Variants in SMUG1 observed in about 807,000 individuals in gnomAD.
SMUG1 encodes single-strand-selective monofunctional uracil-DNA glycosylase 1.
A neutral mutation model predicts 23.9 loss-of-function variants in SMUG1; 13 were observed. That is an observed-to-expected ratio of 0.54 (90% CI 0.35 to 0.86). SMUG1 has a LOEUF of 0.86. SMUG1 is among the 40% of genes least tolerant of loss of function. SMUG1 has a pLI of 0.01. For missense variants in SMUG1, 313 were observed against 339.5 expected (o/e 0.92, Z 0.61); for synonymous variants, 133 against 139.8 (o/e 0.95, Z 0.34).
At chr12:54,178,915 C>T (rs1940817829), downstream of SMUG1, among the ~76,000 whole-genome samples, 1 of 152,118 alleles carries the variant, frequency 6.6e-6, no homozygotes, top group African/African-American at 2.4e-5. Context: ...TGGGTGGGCA[C>T]CATCCAACTG....
At chr12:54,172,351 G>A in intron 2 of SMUG1, 1 of 265,880 alleles carries the variant, frequency 3.8e-6, no homozygotes, top group South Asian at 3.7e-5. Context: ...TGCCCTCGCT[G>A]TTCTCTTAGC....
In SMUG1 at chr12:54,188,570, G is replaced by C. The variant is rs972266987; in HGVS notation, c.-104+381C>G. The C allele has an allele frequency of 3.9e-5, 6 of 152,412 alleles. No individual in the cohort carries two copies. In the East Asian group the frequency reaches 1.2e-3, roughly 29 times the overall value. The allele number at this position is 152,412 out of a possible 1,614,324, so 9.4% of individuals were successfully genotyped here. A position where few individuals can be genotyped will look rare whatever the true frequency, so the allele number is the denominator to read the frequency against. On this transcript the variant is annotated intron_variant, in intron 1 of 3. Coordinates refer to ENST00000682136, the MANE Select transcript of SMUG1 (RefSeq NM_001243787.2). ...ACCCGGGAGGCGGAGGCTGCAGTGA[G>C]CTGAGATCGCGCCATTGCACTCCAG...
chr12:54,187,496 A>G (rs1195107956), intron 2 of SMUG1, among the ~76,000 whole-genome samples: 3 of 152,206 alleles, frequency 2.0e-5, no homozygotes, highest in African/African-American at 7.2e-5. Context: ...CAACACCAAC[A>G]TTAGCAGATT....
Position 54,182,399 on chromosome 12 carries a change from C to T in SMUG1, c.510G>A (p.Leu170=). 6.2e-7 allele frequency: 1 copy of T among 1,614,156 alleles called. No individual in the cohort carries two copies. The highest frequency in any genetic ancestry group is 8.5e-7 in the Non-Finnish European group (1 of 1,180,040). The change falls in exon 4 of 4, where the codon CTG becomes CTA. Residue 170 remains leucine (L), a synonymous_variant. Transcript: ENST00000682136. ...GAGTAAGGTTGCGCCCGCTGGGAGC[C>T]AGGAAAAGCAGAGGGCATAGATTGT... ...FVHNLCPLLF[L]APSGRNLTPA... is the part of the protein sequence containing the mutation.
Position 54,181,658 on chromosome 12 carries a change from A to C in SMUG1, c.*438T>G. On this transcript the variant is annotated 3_prime_UTR_variant, in exon 4 of 4. Coordinates refer to ENST00000682136, the MANE Select transcript of SMUG1 (RefSeq NM_001243787.2). The stretch of plus-strand genomic sequence containing the variant: ...GCTTTGTCTTGGTCCCTGTGAGGAA[A>C]GGGGTCAGCTAAAGGTAACTGTTCT... The C allele has an allele frequency of 1.3e-6, 2 of 1,589,288 alleles. No homozygotes were observed. Among genetic ancestry groups the C allele is most frequent in the Non-Finnish European group, 1.7e-6 (2 of 1,175,350 alleles).
At position 54,183,647 on chromosome 12, in the gene SMUG1, AC is replaced by A; in HGVS notation, c.285+8del. 1 of 1,613,202 alleles carries A rather than the reference AC, an allele frequency of 6.2e-7. No homozygotes were observed. The highest frequency in any genetic ancestry group is 8.5e-7 in the Non-Finnish European group (1 of 1,179,596). On this transcript the variant is annotated splice_region_variant and intron_variant, in intron 3 of 3. Coordinates refer to ENST00000682136, the MANE Select transcript of SMUG1 (RefSeq NM_001243787.2). ...CCACTCCACCCACTGGGGAAGCCAA[AC>A]CCTTTACCCCAGTCTGGGCCATGCC...
chr12:54,170,154 C>T (rs534713761), intron 3 of SMUG1, among the ~76,000 whole-genome samples: 2 of 150,716 alleles, frequency 1.3e-5, no homozygotes, highest in South Asian at 2.1e-4. Flanking sequence ...GGCGAGATCG[C>T]GCCATTGCAC....
chr12:54,185,318 T>A, intron 2 of SMUG1, among the ~76,000 whole-genome samples: 1 of 145,200 alleles, frequency 6.9e-6, no homozygotes, highest in Non-Finnish European at 1.5e-5. Flanking sequence ...AAAAAAAAAA[T>A]TAGCTGGGCG....
Position 54,182,440 on chromosome 12 carries a change from GGAA to G in SMUG1, c.466_468del (p.Phe156del). On this transcript the variant is annotated inframe_deletion, in exon 4 of 4. Transcript: ENST00000682136. ...CATAGATTGTGGACAAAACAGTGATGGAAGAAGACCTCAGGCTGTCCACAGAGG... is the reference window on the plus strand; with the variant it reads ...CATAGATTGTGGACAAAACAGTGATGGAAGACCTCAGGCTGTCCACAGAGG... 2 of 1,614,180 alleles carry G rather than the reference GGAA, an allele frequency of 1.2e-6. No individual in the cohort carries two copies. Among genetic ancestry groups the G allele is most frequent in the Non-Finnish European group, 1.7e-6 (2 of 1,180,048 alleles).
At chr12:54,176,733 G>A (rs1413752792), downstream of SMUG1, among the ~76,000 whole-genome samples, 2 of 151,562 alleles carry the variant, frequency 1.3e-5, no homozygotes, top group African/African-American at 4.9e-5. Flanking sequence ...CGTGAACCCG[G>A]GAAGCGGAGC....
intron 4 of SMUG1, chr12:54,165,013 C>G (rs956012542): frequency 2.0e-5 from 3 of 152,162 alleles, no homozygotes; most frequent in African/African-American, 7.2e-5. Context: ...CAAGCTGAGG[C>G]CTACGATGGT....
chr12:54,187,052 G>A (rs1942641066), intron 2 of SMUG1: 1 of 152,164 alleles, frequency 6.6e-6, no homozygotes, highest in Non-Finnish European at 1.5e-5. Flanking sequence ...TTACCAAGGA[G>A]GCACTCCTGA....
At chr12:54,175,093 T>A (rs1940720789) in intron 2 of SMUG1, 1 of 152,184 alleles carries the variant, frequency 6.6e-6, no homozygotes, top group African/African-American at 2.4e-5. Flanking sequence ...CAGTTGAAGT[T>A]CTTTACTTCT....
chr12:54,174,121 A>G (rs1324310539), intron 2 of SMUG1, among the ~76,000 whole-genome samples: 2 of 152,148 alleles, frequency 1.3e-5, no homozygotes, highest in Admixed American at 6.5e-5. Context: ...GAACAAAATG[A>G]TGCTAACTCA....
chr12:54,162,511 G>A (rs1009134911), downstream of SMUG1: 2 of 152,190 alleles, frequency 1.3e-5, no homozygotes, highest in African/African-American at 2.4e-5. Context: ...ACATGTATGG[G>A]ATGGGTTTCC....
rs577409707 is a variant in SMUG1 at position 54,182,199 on chromosome 12, AGC to A, written c.708_709del (p.Leu237ProfsTer7). The A allele has an allele frequency of 6.2e-7, 1 of 1,611,486 alleles. No homozygotes were observed. Among genetic ancestry groups the A allele is most frequent in the Non-Finnish European group, 8.5e-7 (1 of 1,178,270 alleles). On this transcript the variant is annotated frameshift_variant, in exon 4 of 4. Coordinates refer to ENST00000682136, the MANE Select transcript of SMUG1 (RefSeq NM_001243787.2). LOFTEE classifies it high-confidence loss of function. ...TGGGTTACGGGGAGAGGGATGCAGG[AGC>A]CCTTCCACCTGGACCTCTGGCATCA...
chr12:54,175,371 A>T (rs112743981), downstream of SMUG1, among the ~76,000 whole-genome samples: 244 of 152,322 alleles, frequency 1.6e-3, 2 homozygotes, highest in African/African-American at 5.3e-3. Context: ...CTCATCTTCC[A>T]TAGGGCCACA....
downstream of SMUG1, among the ~76,000 whole-genome samples, chr12:54,176,510 C>CCCCCT (rs1555199096): frequency 9.1e-6 from 1 of 110,222 alleles, no homozygotes; most frequent in Non-Finnish European, 2.1e-5. Flanking sequence ...GATCCTGTCC[C>CCCCCT]CCCCCAAAAA....
At position 54,181,714 on chromosome 12, in the gene SMUG1, T is replaced by C. The variant is rs1357015626; in HGVS notation, c.*382A>G. The C allele has an allele frequency of 1.6e-5, 24 of 1,544,646 alleles. No homozygotes were observed. Among genetic ancestry groups the C allele is most frequent in the South Asian group, 8.3e-5 (7 of 84,236 alleles). On this transcript the variant is annotated 3_prime_UTR_variant, in exon 4 of 4. Transcript: ENST00000682136. ...GATGGGTAGGTATCCTGGCAAGATA[T>C]TTCCTCTGAAATAGTAAACGTGACC...
Sources: gnomAD v4.1 joint callset for allele counts (sites outside exome capture counted in the v4.1 genomes callset) on GRCh38, gnomAD v4.1.1 for gene constraint, MANE v1.5 for transcripts, NCBI Gene and HGNC (gene_info 2026-07-23, HGNC 2026-07-21) for gene names.